The following LTO1 variants were observed in gnomAD, a reference collection of about 807,000 sequenced individuals.
The protein encoded by LTO1 is LTO1 maturation factor of ABCE1, also known as protein LTO1 homolog.
In LTO1, 18 loss-of-function variants were observed where a neutral mutation model predicts 19.8. That is an observed-to-expected ratio of 0.91 (90% CI 0.63 to 1.35). The LOEUF is 1.35. LTO1 is among the 40% of genes most tolerant of loss of function. LTO1 has a pLI of 0.00. For synonymous variants in LTO1, 59 were observed against 59.6 expected, an observed-to-expected ratio of 0.99 and a Z score of 0.05; for missense variants, 175 against 167.9, an observed-to-expected ratio of 1.04 and a Z score of -0.23.
At chr11:69,671,623 A>C in intron 3 of LTO1, 126 bp downstream of exon 3, 1 of 688,398 alleles carries the variant, frequency 1.5e-6, no homozygotes, top group South Asian at 1.6e-5. Flanking sequence ...CAAGCTTGAC[A>C]CTGATAATTT....
chr11:69,667,803 C>T (rs1856053582), intron 4 of LTO1, 92 bp downstream of exon 4: 2 of 800,334 alleles, frequency 2.5e-6, no homozygotes, highest in East Asian at 5.0e-5. Context: ...CAGCCCCAGG[C>T]CATTGCCGCA....
At chr11:69,673,353 A>G in intron 1 of LTO1, 32 bp from the exon 2 acceptor site, 3 of 1,381,242 alleles carry the variant, frequency 2.2e-6, no homozygotes, top group Non-Finnish European at 3.1e-6. Flanking sequence ...CATCAAATCA[A>G]CAGGAGAAAG....
intron 3 of LTO1, among the ~76,000 whole-genome samples, chr11:69,668,749 C>A (rs1476916852): frequency 6.6e-6 from 1 of 151,532 alleles, no homozygotes. Flanking sequence ...TGACATGGGC[C>A]GGGCTCGGTG....
At chr11:69,671,437 T>A (rs931835095) in intron 3 of LTO1, 1 of 259,752 alleles carries the variant, frequency 3.8e-6, no homozygotes, top group African/African-American at 2.2e-5. Context: ...ATACAATCAA[T>A]GTCAACATTA....
At position 69,667,185 on chromosome 11, in the gene LTO1, T is replaced by C. The variant is rs1369141112; in HGVS notation, c.*334A>G. 3 of 318,738 alleles carry C rather than the reference T, an allele frequency of 9.4e-6. No homozygotes were observed. The East Asian group carries it at 1.7e-4, about 18-fold the overall frequency. 19.7% of individuals were successfully genotyped at this position (318,738 alleles called of 1,614,324 possible). ...TAATAATAAAAATAACTGCCTTCAGTCCAGGCCTGGTGACTGACCCTATCC... is the reference window on the plus strand; with the variant it reads ...TAATAATAAAAATAACTGCCTTCAGCCCAGGCCTGGTGACTGACCCTATCC... On this transcript the variant is annotated 3_prime_UTR_variant, in exon 5 of 5. Transcript: ENST00000279147.
At chr11:69,670,320 G>C (rs1310743031) in intron 3 of LTO1, among the ~76,000 whole-genome samples, 7 of 152,268 alleles carry the variant, frequency 4.6e-5, no homozygotes. Flanking sequence ...AGATTCTGCC[G>C]CTGTGGGAGA....
intron 1 of LTO1, chr11:69,673,531 G>C (rs2119852024): frequency 5.3e-6 from 3 of 562,414 alleles, no homozygotes; most frequent in South Asian, 2.1e-5. Context: ...TTGTAGCCCA[G>C]TTTCTTCATC....
chr11:69,672,516 G>C (rs888162107), intron 2 of LTO1: 7 of 154,658 alleles, frequency 4.5e-5, no homozygotes, highest in African/African-American at 1.8e-4. Context: ...AGGACAAAGG[G>C]CAAGAAGAGA....
rs767736078 is a variant in LTO1, at chr11:69,671,762, T to C, written c.214A>G (p.Thr72Ala). The part of the protein sequence containing the change: ...AWKCLLHSCT[T>A]EKDSRKMKVL... ...CTCCACCTTTACCTGTCCTTCTCAG[T>C]GGTGCAACTGTGCAGTAGACATTTC... Residue 72 changes from threonine (T) to alanine (A), a missense_variant, in exon 3 of 5, where the codon ACT becomes GCT. Thr to Ala is a moderately conservative substitution (Grantham distance 58). Coordinates refer to ENST00000279147, the MANE Select transcript of LTO1 (RefSeq NM_153451.3). The C allele has an allele frequency of 5.2e-5, 83 of 1,591,552 alleles. No homozygotes were observed. The highest frequency in any genetic ancestry group is 6.8e-5 in the Non-Finnish European group (79 of 1,159,550).
At chr11:69,668,974 G>A (rs551821219) in intron 3 of LTO1, among the ~76,000 whole-genome samples, 415 of 148,734 alleles carry the variant, frequency 2.8e-3, no homozygotes, top group African/African-American at 8.5e-3. Context: ...GTTGCAGTGA[G>A]CTAAGATTGT....
Position 69,667,438 on chromosome 11 carries a change from C to T in LTO1, c.*81G>A, listed in dbSNP as rs568034173. ...CAATGAACAACTGCCTTCCCAGCACCGTCTGGCCCTTCACCGCATTTCTAA... is the reference window on the plus strand; with the variant it reads ...CAATGAACAACTGCCTTCCCAGCACTGTCTGGCCCTTCACCGCATTTCTAA... On this transcript the variant is annotated 3_prime_UTR_variant, in exon 5 of 5. Transcript: ENST00000279147. 1.2e-5 allele frequency: 11 copies of T among 941,118 alleles called. No homozygotes were observed. Among genetic ancestry groups the T allele is most frequent in the African/African-American group, 3.2e-5 (2 of 61,786 alleles). The allele number at this position is 941,118 out of a possible 1,614,324, so 58.3% of individuals were successfully genotyped here. A position where few individuals can be genotyped will look rare whatever the true frequency, so the allele number is the denominator to read the frequency against.
At position 69,673,239 on chromosome 11, in the gene LTO1, GC is replaced by G. The variant is rs1441860387; in HGVS notation, c.132del (p.His45MetfsTer35). 17 of 1,611,278 alleles carry G rather than the reference GC, an allele frequency of 1.1e-5. No homozygotes were observed. The highest frequency in any genetic ancestry group is 1.4e-5 in the Non-Finnish European group (17 of 1,177,374). On this transcript the variant is annotated frameshift_variant, in exon 2 of 5. Transcript: ENST00000279147. LOFTEE classifies it high-confidence loss of function. ...GVMEGRQHGT[L>X]HGAKIGSEIG... ...ACCTCAGACCCGATTTTGGCTCCAT[GC>G]AGCGTGCCATGCTGCCTTCCCTCCA...
intron 1 of LTO1, among the ~76,000 whole-genome samples, chr11:69,673,827 A>C (rs1856147956): frequency 6.6e-6 from 1 of 150,834 alleles, no homozygotes; most frequent in South Asian, 2.1e-4. Flanking sequence ...TGTTGGGATT[A>C]CAAGTGAGGG....
chr11:69,669,569 C>G (rs1231026421), intron 3 of LTO1, among the ~76,000 whole-genome samples: 1 of 152,204 alleles, frequency 6.6e-6, no homozygotes, highest in African/African-American at 2.4e-5. Flanking sequence ...TATGCTAACC[C>G]GATGCAGAGG....
Position 69,671,809 on chromosome 11 carries a change from T to C in LTO1, c.167A>G (p.Tyr56Cys), listed in dbSNP as rs769264502. 1.1e-5 allele frequency: 17 copies of C among 1,585,462 alleles called. No individual in the cohort carries two copies. The highest frequency in any genetic ancestry group is 1.4e-5 in the Non-Finnish European group (16 of 1,153,940). ...GAKIGSEIGC[Y>C]QGFAFAWKCL... is the part of the protein sequence containing the mutation. ...TTTCCATGCAAAAGCAAAACCTTGG[T>C]AGCACCCGATCTGTGAATGTGAAAA... The change falls in exon 3 of 5, where the codon TAC becomes TGC. Residue 56 changes from tyrosine (Y) to cysteine (C), a missense_variant. Transcript: ENST00000279147.
At position 69,675,315 on chromosome 11, in the gene LTO1, C is replaced by G. The variant is rs567549197; in HGVS notation, c.-76G>C. On this transcript the variant is annotated 5_prime_UTR_variant, in exon 1 of 5. Coordinates refer to ENST00000279147, the MANE Select transcript of LTO1 (RefSeq NM_153451.3). ...CCGTAGCAGACCCGGCAGCTTCAGG[C>G]ACAAATGCTCCGCTTGGGAGGAGAC... The G allele has an allele frequency of 1.2e-5, 15 of 1,205,612 alleles. No individual in the cohort carries two copies. In the East Asian group the frequency reaches 3.8e-4, roughly 31 times the overall value. The allele number at this position is 1,205,612 out of a possible 1,614,324, so 74.7% of individuals were successfully genotyped here.
chr11:69,669,749 C>A (rs1033364990), intron 3 of LTO1, among the ~76,000 whole-genome samples: 2 of 152,180 alleles, frequency 1.3e-5, no homozygotes, highest in Non-Finnish European at 2.9e-5. Flanking sequence ...AGCCCCGGTG[C>A]GCGCTGGTCT....
intron 2 of LTO1, chr11:69,672,070 C>G: frequency 2.2e-6 from 1 of 463,616 alleles, no homozygotes; most frequent in Non-Finnish European, 4.0e-6. Context: ...CGACACTCCA[C>G]CAGGGTGGCT....
At chr11:69,674,633 C>A (rs2119854925) in intron 1 of LTO1, 1 of 388,724 alleles carries the variant, frequency 2.6e-6, no homozygotes, top group Non-Finnish European at 5.1e-6. Context: ...AACGTCAGCG[C>A]CTGACTGCTA....
Sources: allele counts gnomAD v4.1 joint callset (sites outside exome capture counted in the v4.1 genomes callset), GRCh38; gene constraint gnomAD v4.1.1; transcripts MANE v1.5; gene names NCBI Gene and HGNC (gene_info 2026-07-23, HGNC 2026-07-21).